Variants in AUTS2 observed in about 807,000 individuals in gnomAD.
The protein encoded by AUTS2 is autism susceptibility gene 2 protein.
Under a neutral mutation model 112.4 loss-of-function variants are expected in AUTS2, and 17 were observed. The ratio of observed to expected loss-of-function variants is 0.15; its 90% CI spans 0.10 to 0.23. The LOEUF is 0.23. Ranked by LOEUF, AUTS2 falls within the 10% of genes least tolerant of loss-of-function variation. The pLI is 1.00. For missense variants in AUTS2, 1,510 were observed against 1,701.6 expected (o/e 0.89, Z 1.98); for synonymous variants, 751 against 702.7 (o/e 1.07, Z -1.09).
chr7:70,536,598 T>TC (rs1554424368), intron 5 of AUTS2, among the ~76,000 whole-genome samples: 29 of 147,854 alleles, frequency 2.0e-4, no homozygotes, highest in African/African-American at 6.8e-4. Flanking sequence ...TTTTTTTTTT[T>TC]CAGTAGAAGA....
intron 1 of AUTS2, among the ~76,000 whole-genome samples, chr7:69,757,425 A>G (rs1787985793): frequency 6.6e-6 from 1 of 152,206 alleles, no homozygotes; most frequent in South Asian, 2.1e-4. Flanking sequence ...TCTGAATCCC[A>G]ATATAGTGTT....
chr7:70,565,380 G>T (rs1801665565), intron 5 of AUTS2, among the ~76,000 whole-genome samples: 1 of 152,110 alleles, frequency 6.6e-6, no homozygotes, highest in Non-Finnish European at 1.5e-5. Context: ...TTAAAAAAAG[G>T]AATAGAAGGT....
chr7:70,790,816 C>G lies in AUTS2; in HGVS notation c.3600C>G (p.Thr1200=), dbSNP rs1166435001. The G allele has an allele frequency of 1.2e-6, 2 of 1,606,346 alleles. No homozygotes were observed. The highest frequency in any genetic ancestry group is 1.7e-6 in the Non-Finnish European group (2 of 1,175,304). Residue 1200 remains threonine (T), a synonymous_variant, in exon 19 of 19, where the codon ACC becomes ACG. Transcript: ENST00000342771. This position sits in a 1 kb window ranked among gnomAD's most constrained non-coding sequence, Gnocchi z 7.6. The part of the protein sequence containing the change: ...PSMHYPRISP[T]AGNQNGLLNK... ...TGCACTATCCCCGCATCAGCCCCAC[C>G]GCGGGCAACCAGAACGGACTCCTCA...
intron 6 of AUTS2, among the ~76,000 whole-genome samples, chr7:70,716,454 A>G (rs1810368893): frequency 6.6e-6 from 1 of 152,054 alleles, no homozygotes; most frequent in Non-Finnish European, 1.5e-5. Context: ...TAACACAGTG[A>G]AACCCCATCT....
chr7:69,682,424 CTT>C (rs59600361), intron 1 of AUTS2, among the ~76,000 whole-genome samples: 21,442 of 152,156 alleles, frequency 0.14, 1,599 homozygotes, highest in Non-Finnish European at 0.15. Context: ...TTCCTGACCT[CTT>C]TGCCCATTTA....
chr7:69,910,437 C>G (rs533686191), intron 2 of AUTS2, among the ~76,000 whole-genome samples: 31 of 152,192 alleles, frequency 2.0e-4, no homozygotes, highest in African/African-American at 7.0e-4. Context: ...TTCTTTTCCA[C>G]GCTGCCAATA....
intron 6 of AUTS2, among the ~76,000 whole-genome samples, chr7:70,757,337 C>T (rs535694408): frequency 6.6e-6 from 1 of 152,106 alleles, no homozygotes; most frequent in South Asian, 2.1e-4. Context: ...TCTCATTGCA[C>T]TCTCTTATTA....
chr7:69,822,500 AC>A (rs1791043330), intron 1 of AUTS2, among the ~76,000 whole-genome samples: 1 of 152,244 alleles, frequency 6.6e-6, no homozygotes, highest in African/African-American at 2.4e-5. Context: ...CAAAGCCTGT[AC>A]CCTTTTTGCT....
At chr7:70,206,760 A>C (rs1190861853) in intron 4 of AUTS2, among the ~76,000 whole-genome samples, 1 of 152,164 alleles carries the variant, frequency 6.6e-6, no homozygotes, top group Non-Finnish European at 1.5e-5. Flanking sequence ...GTTATATCAG[A>C]TTTATGTACT....
intron 4 of AUTS2, among the ~76,000 whole-genome samples, chr7:70,213,669 T>A (rs1350170901): frequency 2.6e-5 from 4 of 152,208 alleles, no homozygotes; most frequent in Admixed American, 6.5e-5. Flanking sequence ...TACACTGGAA[T>A]GAGCTCTAAA....
chr7:70,659,132 C>T (rs1806930504), intron 5 of AUTS2, among the ~76,000 whole-genome samples: 1 of 152,174 alleles, frequency 6.6e-6, no homozygotes, highest in African/African-American at 2.4e-5. Flanking sequence ...CGCCTGTTCT[C>T]AGGGGGGACA....
chr7:70,416,630 T>C (rs776529547), intron 4 of AUTS2, among the ~76,000 whole-genome samples: 1 of 152,230 alleles, frequency 6.6e-6, no homozygotes, highest in Non-Finnish European at 1.5e-5. Flanking sequence ...TCTTCAGCCC[T>C]ATGAACCTGT....
chr7:70,121,765 G>A (rs948444811), intron 3 of AUTS2, among the ~76,000 whole-genome samples: 5 of 152,180 alleles, frequency 3.3e-5, no homozygotes, highest in Non-Finnish European at 5.9e-5. Context: ...GTAGAAAACA[G>A]CTTGGCAGTC....
At chr7:69,890,191 G>A (rs939577976) in intron 1 of AUTS2, among the ~76,000 whole-genome samples, 3 of 152,136 alleles carry the variant, frequency 2.0e-5, no homozygotes, top group African/African-American at 7.2e-5. Context: ...TCTAACGGCA[G>A]CCAACTCTCA....
At chr7:70,486,553 T>C (rs751486822) in intron 5 of AUTS2, among the ~76,000 whole-genome samples, 1 of 152,060 alleles carries the variant, frequency 6.6e-6, no homozygotes, top group African/African-American at 2.4e-5. Flanking sequence ...CTGACCAATA[T>C]GGCAAAAGCC....
At chr7:69,666,895 C>G (rs189136141) in intron 1 of AUTS2, among the ~76,000 whole-genome samples, 208 of 152,204 alleles carry the variant, frequency 1.4e-3, no homozygotes, top group Middle Eastern at 3.4e-3. Flanking sequence ...GAGTGAGACT[C>G]TATCCCCAAA....
intron 4 of AUTS2, among the ~76,000 whole-genome samples, chr7:70,423,830 A>G (rs1438193988): frequency 2.6e-5 from 4 of 152,170 alleles, no homozygotes; most frequent in South Asian, 4.1e-4. Flanking sequence ...CGTGTAGCAT[A>G]GTATTGAGTC....
chr7:69,757,968 A>T lies in AUTS2; in HGVS notation c.310-141318A>T, dbSNP rs990575931. On this transcript the variant is annotated intron_variant, in intron 1 of 18. Coordinates refer to ENST00000342771, the MANE Select transcript of AUTS2 (RefSeq NM_015570.4). ...ATAAACGTTTCACTAAATAAACAGC[A>T]GTGAGAATTCTGAAGATACACTTAA... is the stretch of plus-strand genomic sequence containing the variant. Among the ~76,000 whole-genome samples, 7 of 152,248 alleles carry T rather than the reference A, an allele frequency of 4.6e-5. No homozygotes were observed. In the East Asian group the frequency reaches 1.3e-3, roughly 29 times the overall value.
chr7:70,010,562 G>T (rs1791447611), intron 2 of AUTS2, among the ~76,000 whole-genome samples: 1 of 152,196 alleles, frequency 6.6e-6, no homozygotes, highest in African/African-American at 2.4e-5. Flanking sequence ...ACTGTGATGA[G>T]CCGAGCACCT....
Sources: allele counts gnomAD v4.1 joint callset (sites outside exome capture counted in the v4.1 genomes callset), GRCh38; gene constraint gnomAD v4.1.1; non-coding constraint Gnocchi (gnomAD v3.1); transcripts MANE v1.5; gene names NCBI Gene and HGNC (gene_info 2026-07-23, HGNC 2026-07-21).